The following DOCK2 variants were observed in gnomAD, a reference collection of about 807,000 sequenced individuals.
DOCK2 encodes dedicator of cytokinesis protein 2.
In DOCK2, 87 loss-of-function variants were observed where a neutral mutation model predicts 248.9. That is an observed-to-expected ratio of 0.35 (90% CI 0.29 to 0.42). The LOEUF is 0.42. Among genes scored for constraint, DOCK2 ranks in the 10% least tolerant of loss-of-function variants. The pLI, the probability that DOCK2 is intolerant of heterozygous loss-of-function variation, is 1.00. For synonymous variants in DOCK2, 805 were observed against 821.6 expected (o/e 0.98, Z 0.35); for missense variants, 1,747 against 2,300.2 (o/e 0.76, Z 4.92).
chr5:169,758,190 C>G (rs1227621022), intron 23 of DOCK2, among the ~76,000 whole-genome samples: 2 of 152,174 alleles, frequency 1.3e-5, no homozygotes, highest in East Asian at 1.9e-4. Flanking sequence ...TGAAAAGAAT[C>G]CACTCTATGA....
At position 170,014,595 on chromosome 5, in the gene DOCK2, G is replaced by T. The variant is rs375841752; in HGVS notation, c.3233-4365G>T. On this transcript the variant is annotated intron_variant, in intron 32 of 51. Coordinates refer to ENST00000520908, the MANE Select transcript of DOCK2 (RefSeq NM_004946.3). Reference sequence around the variant, plus strand: ...TGTAGCTTCCATACAGAATAGCACAGCCCTAGAAAATGAGAAAGGGTTTAC... The same window carrying T: ...TGTAGCTTCCATACAGAATAGCACATCCCTAGAAAATGAGAAAGGGTTTAC... Among the ~76,000 whole-genome samples, 6 of 134,238 alleles carry T rather than the reference G, an allele frequency of 4.5e-5. No individual in the cohort carries two copies. The East Asian group carries it at 1.4e-3, about 32-fold the overall frequency. 88.1% of individuals were successfully genotyped at this position (134,238 alleles called of 152,430 possible).
At chr5:170,056,396 A>G in intron 42 of DOCK2, 1 of 290,174 alleles carries the variant, frequency 3.4e-6, no homozygotes, top group Non-Finnish European at 6.4e-6. Flanking sequence ...GGAAATCATG[A>G]CCTAGGCCAT....
intron 27 of DOCK2, among the ~76,000 whole-genome samples, chr5:169,891,859 G>A (rs1366874208): frequency 6.6e-6 from 1 of 152,074 alleles, no homozygotes; most frequent in Admixed American, 6.5e-5. Context: ...TCTGAGTGTG[G>A]TGGCAGGCAC....
rs143711162 is a variant in DOCK2 at position 169,982,782 on chromosome 5, C to T, written c.2800-286C>T. ...TGACAGATGAGACGATTGGGACTTA[C>T]ACATGTAAAATTATTTGTCATAAAA... is the stretch of plus-strand genomic sequence containing the variant. On this transcript the variant is annotated intron_variant, in intron 27 of 51. Coordinates refer to ENST00000520908, the MANE Select transcript of DOCK2 (RefSeq NM_004946.3). Among the ~76,000 whole-genome samples, 153 of 152,286 alleles carry T rather than the reference C, an allele frequency of 1.0e-3. 1 individual carries two copies. The highest frequency in any genetic ancestry group is 3.4e-3 in the African/African-American group (142 of 41,556).
intron 22 of DOCK2, among the ~76,000 whole-genome samples, chr5:169,725,792 T>C (rs969391976): frequency 2.0e-5 from 3 of 152,134 alleles, no homozygotes; most frequent in African/African-American, 7.2e-5. Context: ...TTGCTTAGAA[T>C]GATGGTTTCC....
intron 26 of DOCK2, among the ~76,000 whole-genome samples, chr5:169,837,472 G>A (rs1489847685): frequency 1.3e-5 from 2 of 152,106 alleles, no homozygotes; most frequent in African/African-American, 4.8e-5. Flanking sequence ...ATTATGCATT[G>A]CCTTGTACTG....
intron 26 of DOCK2, among the ~76,000 whole-genome samples, chr5:169,814,628 G>A (rs1169276454): frequency 2.0e-5 from 3 of 152,142 alleles, no homozygotes; most frequent in Admixed American, 2.0e-4. Flanking sequence ...AGGGTGCATA[G>A]GAACTCTCTG....
intron 22 of DOCK2, among the ~76,000 whole-genome samples, chr5:169,733,484 T>C (rs1243117557): frequency 6.6e-6 from 1 of 151,980 alleles, no homozygotes; most frequent in Non-Finnish European, 1.5e-5. Context: ...TTCTACTGTA[T>C]ACTTAAAAAT....
intron 9 of DOCK2, among the ~76,000 whole-genome samples, chr5:169,694,229 G>A (rs1480729119): frequency 6.6e-6 from 1 of 152,192 alleles, no homozygotes; most frequent in Non-Finnish European, 1.5e-5. Flanking sequence ...TATTCCCAGT[G>A]CATATGCCCA....
At chr5:170,024,161 T>C (rs532197722) in intron 33 of DOCK2, among the ~76,000 whole-genome samples, 1 of 152,240 alleles carries the variant, frequency 6.6e-6, no homozygotes, top group African/African-American at 2.4e-5. Flanking sequence ...TCAATACAAA[T>C]CTGTGGATAC....
chr5:170,048,803 G>A (rs879405714), intron 40 of DOCK2, among the ~76,000 whole-genome samples: 6 of 152,166 alleles, frequency 3.9e-5, no homozygotes, highest in South Asian at 2.1e-4. Context: ...ATCACGTGAC[G>A]AATTGGATTA....
At chr5:170,054,366 GGGGTCAGGAGT>G (rs1757033622) in intron 41 of DOCK2, among the ~76,000 whole-genome samples, 1 of 152,114 alleles carries the variant, frequency 6.6e-6, no homozygotes, top group Non-Finnish European at 1.5e-5. Context: ...AAAGGGAAGA[GGGGTCAGGAGT>G]GGGACCAGTG....
At chr5:169,733,520 T>A (rs1027775803) in intron 22 of DOCK2, among the ~76,000 whole-genome samples, 1 of 152,068 alleles carries the variant, frequency 6.6e-6, no homozygotes, top group African/African-American at 2.4e-5. Flanking sequence ...TTTTATGTTA[T>A]ATGTTTTTAA....
At chr5:169,773,288 A>C (rs1765198435) in intron 25 of DOCK2, 1 of 152,224 alleles carries the variant, frequency 6.6e-6, no homozygotes, top group African/African-American at 2.4e-5. Flanking sequence ...CTGAAGTTAA[A>C]AAAAATTGGC....
chr5:170,028,028 G>A (rs527749335), intron 34 of DOCK2, 80 bp downstream of exon 34: 21 of 1,327,302 alleles, frequency 1.6e-5, no homozygotes, highest in South Asian at 3.1e-5. Context: ...AGGGGGCTCC[G>A]AGTGGCTCTG....
chr5:170,000,983 A>G (rs1315618546), intron 30 of DOCK2, among the ~76,000 whole-genome samples: 1 of 152,194 alleles, frequency 6.6e-6, no homozygotes. Flanking sequence ...GCAACTGCCC[A>G]TAGCGCCACC....
intron 50 of DOCK2, chr5:170,080,923 G>C (rs1310194433): frequency 6.5e-6 from 1 of 153,246 alleles, no homozygotes; most frequent in Non-Finnish European, 1.5e-5. Flanking sequence ...AGGTCAGAAG[G>C]GAACAAGACA....
chr5:170,034,596 T>TG (rs769684352), intron 35 of DOCK2, 41 bp downstream of exon 35: 37 of 1,607,410 alleles, frequency 2.3e-5, no homozygotes, highest in Admixed American at 1.5e-4. Context: ...CAGAACCCTG[T>TG]GGGGGGGCTT....
At chr5:169,806,245 G>T (rs1359705008) in intron 26 of DOCK2, among the ~76,000 whole-genome samples, 12 of 131,330 alleles carry the variant, frequency 9.1e-5, no homozygotes, top group African/African-American at 3.0e-4. Context: ...TTTTGAGCCA[G>T]GTTTCTGCTT....
Sources: gnomAD v4.1 joint callset for allele counts (sites outside exome capture counted in the v4.1 genomes callset) on GRCh38, gnomAD v4.1.1 for gene constraint, MANE v1.5 for transcripts, NCBI Gene and HGNC (gene_info 2026-07-23, HGNC 2026-07-21) for gene names.